The following QRICH1 variants were observed in gnomAD, a reference collection of about 807,000 sequenced individuals.
The protein encoded by QRICH1 is glutamine rich 1.
A neutral mutation model predicts 87.1 loss-of-function variants in QRICH1; 16 were observed. The ratio of observed to expected loss-of-function variants is 0.18; its 90% CI spans 0.12 to 0.28. The LOEUF is 0.28. QRICH1 is among the 10% of genes least tolerant of loss of function. QRICH1 has a pLI of 1.00. For missense variants in QRICH1, 647 were observed against 951.7 expected (o/e 0.68, Z 4.21); for synonymous variants, 367 against 368.4 (o/e 1.00, Z 0.05).
At chr3:49,087,097 A>G (rs997764319) in intron 1 of QRICH1, 2 of 152,152 alleles carry the variant, frequency 1.3e-5, no homozygotes, top group Non-Finnish European at 2.9e-5. Flanking sequence ...TCTCTACCAA[A>G]AACACAAAAA....
chr3:49,034,230 C>G (rs1030470464), intron 6 of QRICH1, among the ~76,000 whole-genome samples: 5 of 151,572 alleles, frequency 3.3e-5, no homozygotes, highest in Admixed American at 2.6e-4. Context: ...ATTGTTTGAG[C>G]CCAAGAGTTG....
chr3:49,069,860 TG>T (rs1290863911), intron 2 of QRICH1, among the ~76,000 whole-genome samples: 3 of 152,246 alleles, frequency 2.0e-5, no homozygotes, highest in Admixed American at 2.0e-4. Flanking sequence ...TAATGTGAGC[TG>T]TAAGTATACA....
At chr3:49,068,381 TG>T (rs2093480180) in intron 2 of QRICH1, among the ~76,000 whole-genome samples, 1 of 150,362 alleles carries the variant, frequency 6.7e-6, no homozygotes, top group South Asian at 2.1e-4. Context: ...CCCTTAAGCA[TG>T]GGAGGTTGAA....
intron 6 of QRICH1, among the ~76,000 whole-genome samples, chr3:49,039,517 C>G (rs572507722): frequency 6.9e-6 from 1 of 144,204 alleles, no homozygotes; most frequent in African/African-American, 2.6e-5. Context: ...CCCAGCTACT[C>G]GGAGGCTGAG....
intron 1 of QRICH1, among the ~76,000 whole-genome samples, chr3:49,088,999 C>T (rs2042222503): frequency 6.6e-6 from 1 of 152,002 alleles, no homozygotes; most frequent in Non-Finnish European, 1.5e-5. Context: ...CATTTATATG[C>T]CCCATGCCAG....
In QRICH1 at chr3:49,032,279, A is replaced by G. The variant is rs752034230; in HGVS notation, c.2048-6T>C. 6.2e-7 allele frequency: 1 copy of G among 1,605,556 alleles called. No individual in the cohort carries two copies. The highest frequency in any genetic ancestry group is 1.7e-5 in the Admixed American group (1 of 59,970). On this transcript the variant is annotated splice_polypyrimidine_tract_variant and splice_region_variant and intron_variant, in intron 8 of 9. Transcript: ENST00000395443. The stretch of plus-strand genomic sequence containing the variant: ...TGCATACATGTCATCTGTAACTATA[A>G]AACACACATCCCCACCACCACAGAC...
chr3:49,047,011 T>C, intron 4 of QRICH1, 58 bp downstream of exon 4: 2 of 1,552,432 alleles, frequency 1.3e-6, no homozygotes, highest in East Asian at 2.3e-5. Context: ...TTTGTCCTCC[T>C]GTTACTTTAG....
At chr3:49,055,850 TG>T (rs1389301906) in intron 3 of QRICH1, among the ~76,000 whole-genome samples, 2 of 152,114 alleles carry the variant, frequency 1.3e-5, no homozygotes, top group Non-Finnish European at 2.9e-5. Context: ...GGCTAATTTT[TG>T]TATTTTTAGT....
chr3:49,047,866 C>T (rs2093347778), intron 3 of QRICH1, among the ~76,000 whole-genome samples: 1 of 152,038 alleles, frequency 6.6e-6, no homozygotes, highest in Non-Finnish European at 1.5e-5. Flanking sequence ...TGTTTAAAAA[C>T]TCCTTGAGTA....
At position 49,083,767 on chromosome 3, in the gene QRICH1, C is replaced by CA. The variant is rs1366470541; in HGVS notation, c.-21-6730dup. 8.5e-3 allele frequency among the ~76,000 whole-genome samples: 1,181 copies of CA among 138,796 alleles called. 17 individuals are homozygous for CA. The highest frequency in any genetic ancestry group is 8.4e-3 in the South Asian group (37 of 4,400). The allele number at this position is 138,796 out of a possible 152,430, so 91.1% of individuals were successfully genotyped here. ...TGGGTGACAGAGTGAGACTCCATCT[C>CA]AAAAAAAAAAAATTAGCCAGGTGTG... is the stretch of plus-strand genomic sequence containing the variant. On this transcript the variant is annotated intron_variant, in intron 1 of 9. Coordinates refer to ENST00000395443, the MANE Select transcript of QRICH1 (RefSeq NM_198880.3).
At chr3:49,081,732 C>A (rs1218862614) in intron 1 of QRICH1, among the ~76,000 whole-genome samples, 2 of 151,968 alleles carry the variant, frequency 1.3e-5, no homozygotes, top group Non-Finnish European at 2.9e-5. Flanking sequence ...AACTCCTGGG[C>A]TCAAGAGATC....
intron 2 of QRICH1, among the ~76,000 whole-genome samples, chr3:49,072,862 C>T (rs544387346): frequency 1.3e-5 from 2 of 151,704 alleles, no homozygotes; most frequent in African/African-American, 4.8e-5. Flanking sequence ...AGCAACATGG[C>T]GAGAGTCCAT....
At chr3:49,073,247 G>C (rs190010920) in intron 2 of QRICH1, among the ~76,000 whole-genome samples, 1 of 152,238 alleles carries the variant, frequency 6.6e-6, no homozygotes, top group East Asian at 1.9e-4. Context: ...CTCACATAAA[G>C]ACCTCTAAAG....
intron 3 of QRICH1, among the ~76,000 whole-genome samples, chr3:49,051,579 C>G (rs2093370295): frequency 1.2e-5 from 1 of 86,586 alleles, no homozygotes; most frequent in Non-Finnish European, 2.1e-5. Context: ...TAGAACCCCC[C>G]CTGCGCCCCC....
chr3:49,078,352 G>GAAATTC (rs1262518682), intron 1 of QRICH1, among the ~76,000 whole-genome samples: 2 of 140,410 alleles, frequency 1.4e-5, no homozygotes, highest in Non-Finnish European at 3.1e-5. Context: ...TGCTGCATTT[G>GAAATTC]AAATTCAATG....
chr3:49,052,669 T>A (rs1207597980), intron 3 of QRICH1, among the ~76,000 whole-genome samples: 3 of 152,102 alleles, frequency 2.0e-5, no homozygotes, highest in Non-Finnish European at 2.9e-5. Flanking sequence ...CTAATTTTTT[T>A]ATTTTTTTAT....
intron 1 of QRICH1, among the ~76,000 whole-genome samples, chr3:49,079,563 A>G (rs1483723795): frequency 6.6e-6 from 1 of 151,056 alleles, no homozygotes; most frequent in Non-Finnish European, 1.5e-5. Context: ...TTAAGTGGTC[A>G]ACGATGTCCA....
chr3:49,041,223 G>A (rs1232122213), intron 6 of QRICH1, among the ~76,000 whole-genome samples: 1 of 152,036 alleles, frequency 6.6e-6, no homozygotes, highest in African/African-American at 2.4e-5. Context: ...ACCCACATTT[G>A]GCCTCCTAAA....
At chr3:49,069,742 A>C (rs1366748326) in intron 2 of QRICH1, among the ~76,000 whole-genome samples, 1 of 151,104 alleles carries the variant, frequency 6.6e-6, no homozygotes, top group Non-Finnish European at 1.5e-5. Context: ...AGCCTCCCAA[A>C]GTACTGAGAT....
Sources: allele counts gnomAD v4.1 joint callset (sites outside exome capture counted in the v4.1 genomes callset), GRCh38; gene constraint gnomAD v4.1.1; transcripts MANE v1.5; gene names NCBI Gene and HGNC (gene_info 2026-07-23, HGNC 2026-07-21).